Variants in PRDM2 observed in about 807,000 individuals in gnomAD.
The protein encoded by PRDM2 is PR/SET domain 2.
PRDM2 carries 30 observed loss-of-function variants against 130.0 expected under a neutral mutation model. The ratio of observed to expected loss-of-function variants is 0.23; its 90% CI spans 0.17 to 0.31. The LOEUF (loss-of-function observed/expected upper bound fraction) is 0.31. Ranked by LOEUF, PRDM2 falls within the 10% of genes least tolerant of loss-of-function variation. The pLI is 1.00. For missense variants in PRDM2, 2,011 were observed against 2,108.4 expected (o/e 0.95, Z 0.90); for synonymous variants, 871 against 782.4 (o/e 1.11, Z -1.89).
Position 13,779,736 on chromosome 1 carries a change from G to A in PRDM2, c.1941G>A (p.Leu647=). 2 of 1,614,072 alleles carry A rather than the reference G, an allele frequency of 1.2e-6. No homozygotes were observed. The highest frequency in any genetic ancestry group is 4.5e-5 in the East Asian group (2 of 44,870). The part of the protein sequence containing the change: ...KKRRTASPPA[L]PKIKAETDSD... The stretch of plus-strand genomic sequence containing the variant: ...GGAGAACTGCGAGCCCACCTGCACT[G>A]CCCAAAATTAAGGCCGAAACAGACT... The change falls in exon 8 of 10, where the codon CTG becomes CTA. Residue 647 remains leucine, a synonymous_variant. Coordinates refer to ENST00000311066, the MANE Select transcript of PRDM2 (RefSeq NM_001393986.1). This position sits in a 1 kb window ranked among gnomAD's most constrained non-coding sequence, Gnocchi z 4.9.
In PRDM2 at chr1:13,823,326, T is replaced by C. The variant is rs1570148851; in HGVS notation, c.*191T>C. 2 of 1,024,504 alleles carry C rather than the reference T, an allele frequency of 2.0e-6. No homozygotes were observed. The highest frequency in any genetic ancestry group is 2.8e-5 in the South Asian group (2 of 70,822). The allele number at this position is 1,024,504 out of a possible 1,614,324, so 63.5% of individuals were successfully genotyped here. A position where few individuals can be genotyped will look rare whatever the true frequency, so the allele number is the denominator to read the frequency against. On this transcript the variant is annotated 3_prime_UTR_variant, in exon 10 of 10. Transcript: ENST00000311066. Reference sequence around the variant, plus strand: ...ACGTGTTCTCGTGCGGGCGCGTGAGTGGTCTTCAAACGAGGGTCCCGATCC... The same window carrying C: ...ACGTGTTCTCGTGCGGGCGCGTGAGCGGTCTTCAAACGAGGGTCCCGATCC...
At chr1:13,756,644 T>C (rs1353096043) in intron 6 of PRDM2, among the ~76,000 whole-genome samples, 1 of 152,230 alleles carries the variant, frequency 6.6e-6, no homozygotes, top group Non-Finnish European at 1.5e-5. Flanking sequence ...TAAACCAGTT[T>C]TCATACATTA....
intron 2 of PRDM2, among the ~76,000 whole-genome samples, chr1:13,726,194 T>C (rs1191480673): frequency 6.6e-6 from 1 of 152,246 alleles, no homozygotes; most frequent in East Asian, 1.9e-4. Flanking sequence ...TGATTGTTAC[T>C]GTTGTGATGA....
At chr1:13,731,363 A>G (rs944206966) in intron 3 of PRDM2, among the ~76,000 whole-genome samples, 3 of 152,060 alleles carry the variant, frequency 2.0e-5, no homozygotes, top group African/African-American at 4.8e-5. Context: ...CGTAGGTCCC[A>G]TCCCTCTTGC....
At chr1:13,761,527 A>G (rs1644098048) in intron 6 of PRDM2, among the ~76,000 whole-genome samples, 1 of 152,156 alleles carries the variant, frequency 6.6e-6, no homozygotes, top group South Asian at 2.1e-4. Flanking sequence ...GCACAGGTAC[A>G]TTCCTTCTGT....
chr1:13,720,129 T>C (rs1642675270), intron 2 of PRDM2, among the ~76,000 whole-genome samples: 2 of 152,264 alleles, frequency 1.3e-5, no homozygotes, highest in African/African-American at 4.8e-5. Flanking sequence ...CTGATAATTC[T>C]CTGGGCAAAG....
At chr1:13,726,047 T>C (rs2100452940) in intron 2 of PRDM2, among the ~76,000 whole-genome samples, 1 of 152,340 alleles carries the variant, frequency 6.6e-6, no homozygotes, top group Admixed American at 6.5e-5. Flanking sequence ...GCTGGGACTA[T>C]GGGCAAAGTT....
chr1:13,741,508 A>T (rs1643438954), intron 4 of PRDM2, among the ~76,000 whole-genome samples: 1 of 152,102 alleles, frequency 6.6e-6, no homozygotes, highest in Non-Finnish European at 1.5e-5. Flanking sequence ...CCAGAAAGGG[A>T]CCTGCTGAAT....
intron 1 of PRDM2, among the ~76,000 whole-genome samples, chr1:13,702,363 G>A (rs1642095870): frequency 6.6e-6 from 1 of 152,112 alleles, no homozygotes; most frequent in Non-Finnish European, 1.5e-5. Context: ...TGATCTGTAA[G>A]GTTTCTCAAG....
intron 2 of PRDM2, among the ~76,000 whole-genome samples, chr1:13,728,844 A>G (rs147412689): frequency 6.6e-6 from 1 of 152,180 alleles, no homozygotes; most frequent in Non-Finnish European, 1.5e-5. Flanking sequence ...ATTTTAATAC[A>G]TGTGATCTCT....
At chr1:13,715,483 T>TA in intron 1 of PRDM2, 58 bp from the exon 2 acceptor site, 2 of 804,188 alleles carry the variant, frequency 2.5e-6, no homozygotes, top group Non-Finnish European at 3.7e-6. Flanking sequence ...TATGTGGTTT[T>TA]AAATCCCTGT....
At chr1:13,702,434 G>A (rs1642097722) in intron 1 of PRDM2, among the ~76,000 whole-genome samples, 1 of 152,174 alleles carries the variant, frequency 6.6e-6, no homozygotes, top group South Asian at 2.1e-4. Flanking sequence ...GGGTTTTAAA[G>A]TTCTGTAATC....
At chr1:13,737,303 T>C (rs1475200221) in intron 4 of PRDM2, among the ~76,000 whole-genome samples, 1 of 152,250 alleles carries the variant, frequency 6.6e-6, no homozygotes, top group African/African-American at 2.4e-5. Flanking sequence ...CATATGCAAA[T>C]TATATGAAAT....
At chr1:13,819,733 C>T (rs2100773929) in intron 9 of PRDM2, among the ~76,000 whole-genome samples, 1 of 152,274 alleles carries the variant, frequency 6.6e-6, no homozygotes, top group East Asian at 1.9e-4. Flanking sequence ...GGTGAGGGCC[C>T]ACTTCCTGGC....
intron 6 of PRDM2, among the ~76,000 whole-genome samples, chr1:13,760,858 A>G (rs1644080756): frequency 6.6e-6 from 1 of 152,106 alleles, no homozygotes; most frequent in African/African-American, 2.4e-5. Context: ...CACTTCTAAA[A>G]AAAAAAAAAA....
chr1:13,807,205 A>G (rs763939592), intron 8 of PRDM2, among the ~76,000 whole-genome samples: 1 of 152,236 alleles, frequency 6.6e-6, no homozygotes, highest in Non-Finnish European at 1.5e-5. Context: ...TCTAGGCTAC[A>G]CTAAGTGACA....
At chr1:13,769,213 C>T (rs1038367976) in intron 6 of PRDM2, 11 of 933,906 alleles carry the variant, frequency 1.2e-5, no homozygotes, top group African/African-American at 5.4e-5. Flanking sequence ...CCCAGCGGCT[C>T]CTGCTCCTCT....
At chr1:13,793,421 C>G (rs1644873308) in intron 8 of PRDM2, among the ~76,000 whole-genome samples, 1 of 152,182 alleles carries the variant, frequency 6.6e-6, no homozygotes, top group Non-Finnish European at 1.5e-5. Context: ...TAGTAGCCGG[C>G]CCCGGGTGGA....
In PRDM2 at chr1:13,823,186, G is replaced by A. The variant is rs1394786032; in HGVS notation, c.*51G>A. The stretch of plus-strand genomic sequence containing the variant: ...CCTGAAGTGACCTGGAATCAGTGAA[G>A]CCAAAGGGACTGGCAGTCTGCCCTG... On this transcript the variant is annotated 3_prime_UTR_variant, in exon 10 of 10. Coordinates refer to ENST00000311066, the MANE Select transcript of PRDM2 (RefSeq NM_001393986.1). 1 of 1,613,498 alleles carries A rather than the reference G, an allele frequency of 6.2e-7. No individual in the cohort carries two copies. Among genetic ancestry groups the A allele is most frequent in the Non-Finnish European group, 8.5e-7 (1 of 1,179,566 alleles).
Sources: allele counts gnomAD v4.1 joint callset (sites outside exome capture counted in the v4.1 genomes callset), GRCh38; gene constraint gnomAD v4.1.1; non-coding constraint Gnocchi (gnomAD v3.1); transcripts MANE v1.5; gene names NCBI Gene and HGNC (gene_info 2026-07-23, HGNC 2026-07-21).